FANCI: variants seen among roughly 807,000 people sequenced by gnomAD.
FANCI encodes FA complementation group I.
Under a neutral mutation model 176.1 loss-of-function variants are expected in FANCI, and 156 were observed. The observed-to-expected ratio is 0.89, with a 90% confidence interval of 0.78 to 1.01. The LOEUF (loss-of-function observed/expected upper bound fraction) is 1.01. Among genes scored for constraint, FANCI ranks in the 50% least tolerant of loss-of-function variants. The pLI is 0.00. For missense variants in FANCI, 1,678 were observed against 1,534.1 expected (o/e 1.09, Z -1.57); for synonymous variants, 613 against 541.7 (o/e 1.13, Z -1.83).
chr15:89,248,624 G>C (rs2052095536), intron 2 of FANCI, among the ~76,000 whole-genome samples: 1 of 151,956 alleles, frequency 6.6e-6, no homozygotes, highest in African/African-American at 2.4e-5. Flanking sequence ...GACAAGATTT[G>C]ATTGAAACTA....
At chr15:89,281,915 A>G in intron 16 of FANCI, 80 bp downstream of exon 16, 1 of 1,255,478 alleles carries the variant, frequency 8.0e-7, no homozygotes, top group Non-Finnish European at 1.2e-6. Context: ...ATCTCCTAGT[A>G]CCACCTGTTC....
intron 37 of FANCI, 52 bp from the exon 38 acceptor site, chr15:89,316,345 C>A: frequency 1.3e-6 from 2 of 1,545,020 alleles, no homozygotes; most frequent in Non-Finnish European, 1.8e-6. Context: ...TTTATTTCCA[C>A]TGCCTTGGAG....
chr15:89,309,272 C>G (rs1453820375), intron 34 of FANCI, among the ~76,000 whole-genome samples: 5 of 152,172 alleles, frequency 3.3e-5, no homozygotes, highest in Admixed American at 3.3e-4. Flanking sequence ...GGATATATAT[C>G]TGTCCATTCC....
chr15:89,257,787 C>T (rs1180009882), intron 2 of FANCI, among the ~76,000 whole-genome samples: 1 of 152,100 alleles, frequency 6.6e-6, no homozygotes, highest in African/African-American at 2.4e-5. Flanking sequence ...TTGGTCTAGG[C>T]CACTGTCATC....
chr15:89,273,548 G>A (rs1346032329), intron 11 of FANCI, 79 bp downstream of exon 11: 1 of 877,074 alleles, frequency 1.1e-6, no homozygotes, highest in African/African-American at 1.8e-5. Flanking sequence ...ACAGTAATCT[G>A]TTTTTGTTGT....
chr15:89,274,121 CTTTTA>C (rs1488916215), intron 11 of FANCI, 42 bp from the exon 12 acceptor site: 8 of 1,381,936 alleles, frequency 5.8e-6, no homozygotes, highest in Admixed American at 4.1e-5. Context: ...GGTGCTTGAT[CTTTTA>C]TTTATTTATT....
At chr15:89,281,978 A>G in intron 16 of FANCI, 143 bp downstream of exon 16, 1 of 775,488 alleles carries the variant, frequency 1.3e-6, no homozygotes, top group South Asian at 1.5e-5. Context: ...CAAATAAGGC[A>G]TTTTGCTAAG....
intron 20 of FANCI, 102 bp from the exon 21 acceptor site, chr15:89,292,586 T>C (rs1223633519): frequency 9.2e-6 from 11 of 1,189,310 alleles, no homozygotes; most frequent in Non-Finnish European, 1.3e-5. Context: ...ATGAATCATT[T>C]TCTTTAGCCT....
Position 89,276,843 on chromosome 15 carries a change from C to G in FANCI, c.1245C>G (p.Asn415Lys). 6.2e-7 allele frequency: 1 copy of G among 1,614,142 alleles called. No homozygotes were observed. Among genetic ancestry groups the G allele is most frequent in the Non-Finnish European group, 8.5e-7 (1 of 1,180,014 alleles). The change falls in exon 13 of 38, where the codon AAC (asparagine) becomes AAG (lysine). Residue 415 changes from asparagine (N) to lysine (K), a missense_variant. Transcript: ENST00000310775. ...GCCCAAGTCTTTCTAGAATGCCAAA[C>G]CAGCATGCATGTAAGCTCGGAGCTA... ...ETSPSLSRMPNQHACKLGANI... is the reference protein window; with the variant it reads ...ETSPSLSRMPKQHACKLGANI...
At chr15:89,304,025 C>A in intron 28 of FANCI, 110 bp downstream of exon 28, 2 of 1,047,238 alleles carry the variant, frequency 1.9e-6, no homozygotes, top group Non-Finnish European at 3.0e-6. Context: ...ACCAGAGTGG[C>A]CAAAATGAAA....
In FANCI at chr15:89,264,116, A is replaced by C. The variant is rs569494694; in HGVS notation, c.669+90A>C. 168 of 1,402,294 alleles carry C rather than the reference A, an allele frequency of 1.2e-4. 2 individuals carry two copies. The South Asian group carries it at 1.9e-3, about 16-fold the overall frequency. The allele number at this position is 1,402,294 out of a possible 1,614,324, so 86.9% of individuals were successfully genotyped here. A position where few individuals can be genotyped will look rare whatever the true frequency, so the allele number is the denominator to read the frequency against. ...TTCATACCCTTGGTTTATATAGCAG[A>C]GCAAACATAGCCGAACATAGATGCT... is the stretch of plus-strand genomic sequence containing the variant. On this transcript the variant is annotated intron_variant, in intron 8 of 37. Transcript: ENST00000310775.
intron 10 of FANCI, among the ~76,000 whole-genome samples, chr15:89,272,002 T>G (rs1044447683): frequency 5.3e-5 from 8 of 152,226 alleles, no homozygotes; most frequent in African/African-American, 1.9e-4. Flanking sequence ...ATGAGAAATT[T>G]ATGTTTATAT....
chr15:89,291,419 C>G (rs1239554403), intron 19 of FANCI, among the ~76,000 whole-genome samples, 194 bp from the exon 20 acceptor site: 2 of 152,152 alleles, frequency 1.3e-5, no homozygotes, highest in African/African-American at 2.4e-5. Context: ...TGATCCTAAT[C>G]TGTACAATAT....
chr15:89,258,708 C>T lies in FANCI; in HGVS notation c.89C>T (p.Thr30Ile), dbSNP rs199713555. The T allele has an allele frequency of 5.4e-5, 87 of 1,612,894 alleles. No individual in the cohort carries two copies. Among genetic ancestry groups the T allele is most frequent in the Non-Finnish European group, 7.0e-5 (82 of 1,179,052 alleles). Residue 30 changes from threonine to isoleucine, a missense_variant, in exon 3 of 38, where the codon ACT (threonine) becomes ATT (isoleucine). By Grantham distance (89) the Thr-to-Ile change is moderately conservative. Around this residue, in one of 3 missense-constraint regions of FANCI, gnomAD observed 469 missense variants for 436.9 expected, o/e 1.07. Transcript: ENST00000310775. Reference protein sequence around the residue: ...FLQTLREGDLTNLLQNQAVKG... With the variant: ...FLQTLREGDLINLLQNQAVKG... ...TACCTTTTTCTTTCTTTGCAGTTGA[C>T]TAATCTCCTTCAGAATCAAGCAGTG...
At position 89,276,481 on chromosome 15, in the gene FANCI, AT is replaced by A. The variant is rs138335022; in HGVS notation, c.1113-226del. Among the ~76,000 whole-genome samples the A allele has an allele frequency of 6.8e-3, 1,042 of 152,198 alleles. 6 individuals are homozygous for A. The highest frequency in any genetic ancestry group is 0.023 in the African/African-American group (968 of 41,512). On this transcript the variant is annotated intron_variant, in intron 12 of 37. Transcript: ENST00000310775. ...TTTTTTAATACTCTCTAGCTTCTGG[AT>A]TTTCCCAGTATTCTGTGTGTCATTG...
intron 6 of FANCI, among the ~76,000 whole-genome samples, chr15:89,262,572 A>G (rs183795915): frequency 3.3e-5 from 5 of 152,328 alleles, no homozygotes; most frequent in Middle Eastern, 3.4e-3. Flanking sequence ...TAGGTTTGTT[A>G]AAAAGAACAA....
chr15:89,314,777 C>T, intron 36 of FANCI, 70 bp downstream of exon 36: 1 of 1,130,036 alleles, frequency 8.8e-7, no homozygotes. Flanking sequence ...ACTGAAGCAG[C>T]ACAACTACAA....
At chr15:89,263,516 T>C in intron 7 of FANCI, 56 bp downstream of exon 7, 1 of 1,423,442 alleles carries the variant, frequency 7.0e-7, no homozygotes, top group Non-Finnish European at 9.9e-7. Flanking sequence ...ACTTACTTGC[T>C]AGAAATTAAA....
intron 9 of FANCI, 108 bp from the exon 10 acceptor site, chr15:89,268,291 G>C (rs1430101135): frequency 8.5e-7 from 1 of 1,180,496 alleles, no homozygotes; most frequent in African/African-American, 1.5e-5. Flanking sequence ...GGCTGGTCTT[G>C]AACTCCTGGG....
Sources: gnomAD v4.1 joint callset for allele counts (sites outside exome capture counted in the v4.1 genomes callset) on GRCh38, gnomAD v4.1.1 for gene constraint, gnomAD v4.1.1 regional missense constraint, MANE v1.5 for transcripts, NCBI Gene and HGNC (gene_info 2026-07-23, HGNC 2026-07-21) for gene names.